The following QTRT2 variants were observed in gnomAD, a reference collection of about 807,000 sequenced individuals.
QTRT2 encodes queuine tRNA-ribosyltransferase domain containing 1.
QTRT2 carries 32 observed loss-of-function variants against 44.8 expected under a neutral mutation model. That is an observed-to-expected ratio of 0.71 (90% CI 0.54 to 0.96). The LOEUF (loss-of-function observed/expected upper bound fraction) is 0.96, where lower values mean the gene tolerates loss of function less well. Ranked by LOEUF, QTRT2 falls within the 40% of genes least tolerant of loss-of-function variation. The pLI is 0.00. For missense variants in QTRT2, 461 were observed against 503.1 expected (o/e 0.92, Z 0.80); for synonymous variants, 182 against 187.4 (o/e 0.97, Z 0.24).
intron 8 of QTRT2, among the ~76,000 whole-genome samples, chr3:114,081,307 C>T (rs890725245): frequency 6.6e-6 from 1 of 152,152 alleles, no homozygotes; most frequent in Non-Finnish European, 1.5e-5. Context: ...TACTTGGCAG[C>T]AGTTCTCCCA....
At chr3:114,074,996 T>C (rs2077070363) in intron 6 of QTRT2, among the ~76,000 whole-genome samples, 1 of 152,244 alleles carries the variant, frequency 6.6e-6, no homozygotes, top group Admixed American at 6.5e-5. Flanking sequence ...TTTTCATTAT[T>C]CTAAACATCT....
intron 2 of QTRT2, among the ~76,000 whole-genome samples, chr3:114,063,206 A>G (rs1454504367): frequency 1.3e-5 from 2 of 152,222 alleles, no homozygotes; most frequent in African/African-American, 2.4e-5. Context: ...TTTGAAGTAC[A>G]TTTCTCATCT....
intron 6 of QTRT2, among the ~76,000 whole-genome samples, chr3:114,074,557 C>T (rs2077064312): frequency 6.6e-6 from 1 of 152,148 alleles, no homozygotes; most frequent in Non-Finnish European, 1.5e-5. Flanking sequence ...ATCGTACTCA[C>T]CCTTAATTTA....
Position 114,072,629 on chromosome 3 carries a change from C to T in QTRT2, c.546+1791C>T, listed in dbSNP as rs145069223. The stretch of plus-strand genomic sequence containing the variant: ...GTATCTTCATCATGCAGCAGAATGC[C>T]TTCCCTGTCTTATTCACTGGTTCCT... On this transcript the variant is annotated intron_variant, in intron 6 of 9. Coordinates refer to ENST00000281273, the MANE Select transcript of QTRT2 (RefSeq NM_024638.4). Among the ~76,000 whole-genome samples the T allele has an allele frequency of 9.5e-4, 145 of 152,298 alleles. 4 individuals are homozygous for T. The East Asian group carries it at 0.016, about 17-fold the overall frequency.
intron 7 of QTRT2, 33 bp downstream of exon 7, chr3:114,076,975 A>G (rs778206225): frequency 3.1e-6 from 5 of 1,600,448 alleles, no homozygotes; most frequent in Non-Finnish European, 4.3e-6. Context: ...GGCTGGCCTC[A>G]AGGGATGCAG....
intron 2 of QTRT2, among the ~76,000 whole-genome samples, chr3:114,062,368 C>CAAAAAA (rs143192501): frequency 2.3e-5 from 2 of 86,174 alleles, no homozygotes; most frequent in Non-Finnish European, 2.3e-5. Context: ...GACCTTGTCT[C>CAAAAAA]AAAAAAAAAA....
intron 8 of QTRT2, among the ~76,000 whole-genome samples, chr3:114,080,700 C>A (rs1237248948): frequency 6.6e-6 from 1 of 152,150 alleles, no homozygotes; most frequent in African/African-American, 2.4e-5. Context: ...TGTCGCCTGC[C>A]CAGTCTTCCC....
At chr3:114,077,288 A>G (rs2077104048) in intron 7 of QTRT2, 1 of 232,172 alleles carries the variant, frequency 4.3e-6, no homozygotes, top group Admixed American at 5.0e-5. Context: ...GTAAAGTCAC[A>G]TGGAATGCTG....
rs1356038039 is a variant in QTRT2 at position 114,086,130 on chromosome 3, A to G, written c.*226A>G. 2 of 510,256 alleles carry G rather than the reference A, an allele frequency of 3.9e-6. No individual in the cohort carries two copies. Among genetic ancestry groups the G allele is most frequent in the African/African-American group, 3.8e-5 (2 of 52,002 alleles). The allele number at this position is 510,256 out of a possible 1,614,324, so 31.6% of individuals were successfully genotyped here. ...CAGAGAGAATTGAACTGTGACCTTT[A>G]AGACTTCTAGACTAATTCTTTTAGT... On this transcript the variant is annotated 3_prime_UTR_variant, in exon 10 of 10. Transcript: ENST00000281273.
intron 9 of QTRT2, among the ~76,000 whole-genome samples, chr3:114,083,314 CTGTTGTTGTTGTTGTTGTTGT>C (rs56306334): frequency 6.7e-6 from 1 of 150,184 alleles, no homozygotes; most frequent in Non-Finnish European, 1.5e-5. Context: ...GTTGCTGCTG[CTGTTGTTGTTGTTGTTGTTGT>C]TGTTGTTGTT....
intron 6 of QTRT2, among the ~76,000 whole-genome samples, chr3:114,074,874 G>A (rs1310467459): frequency 1.3e-5 from 2 of 152,044 alleles, no homozygotes; most frequent in African/African-American, 4.8e-5. Context: ...TGCATATATT[G>A]CTATTATCTA....
rs142052478 is a variant in QTRT2, at chr3:114,069,865, A to G, written c.334-761A>G. 4.8e-4 allele frequency among the ~76,000 whole-genome samples: 73 copies of G among 152,324 alleles called. 1 individual carries two copies. The highest frequency in any genetic ancestry group is 1.4e-3 in the African/African-American group (59 of 41,574). On this transcript the variant is annotated intron_variant, in intron 5 of 9. Transcript: ENST00000281273. ...CTAGGAGATTTAAGTCTTTAATTCT[A>G]TATCTAACTCAGTCTAGTAAACACT...
chr3:114,082,574 T>A (rs1054351892), intron 8 of QTRT2, 103 bp from the exon 9 acceptor site: 1 of 525,914 alleles, frequency 1.9e-6, no homozygotes, highest in Admixed American at 3.1e-5. Flanking sequence ...AGGAGTGAAA[T>A]TACAGAGTCA....
chr3:114,069,047 C>T (rs1307043896), intron 5 of QTRT2, among the ~76,000 whole-genome samples: 3 of 144,262 alleles, frequency 2.1e-5, no homozygotes, highest in Non-Finnish European at 4.5e-5. Context: ...GAGCGAGACT[C>T]TGTCTCAAAA....
chr3:114,066,088 A>C, intron 3 of QTRT2, 140 bp from the exon 4 acceptor site: 1 of 580,224 alleles, frequency 1.7e-6, no homozygotes, highest in Non-Finnish European at 3.0e-6. Context: ...ATTAGTTAGA[A>C]CTCTTGAATA....
At chr3:114,073,064 GTTAATATAAATGAAA>G (rs2077044790) in intron 6 of QTRT2, among the ~76,000 whole-genome samples, 1 of 152,188 alleles carries the variant, frequency 6.6e-6, no homozygotes, top group Non-Finnish European at 1.5e-5. Flanking sequence ...GGCTAATAAA[GTTAATATAAATGAAA>G]TAATTAGAGG....
At chr3:114,077,142 T>C (rs1577539382) in intron 7 of QTRT2, 200 bp downstream of exon 7, 1 of 586,486 alleles carries the variant, frequency 1.7e-6, no homozygotes, top group East Asian at 2.8e-5. Flanking sequence ...GATTTCAGAA[T>C]GTAGAGTAGA....
At chr3:114,072,615 A>G (rs1439107927) in intron 6 of QTRT2, among the ~76,000 whole-genome samples, 1 of 152,202 alleles carries the variant, frequency 6.6e-6, no homozygotes, top group Non-Finnish European at 1.5e-5. Context: ...TATCTTCATC[A>G]TGCAGCAGAA....
At position 114,068,030 on chromosome 3, in the gene QTRT2, C is replaced by G. The variant is rs745670234; in HGVS notation, c.300C>G (p.Val100=). 7 of 1,613,790 alleles carry G rather than the reference C, an allele frequency of 4.3e-6. No homozygotes were observed. In the African/African-American group the frequency reaches 9.3e-5, roughly 22 times the overall value. Residue 100 remains valine, a synonymous_variant, in exon 5 of 10, where the codon GTC becomes GTG. Transcript: ENST00000281273. The part of the protein sequence containing the change: ...SLLYCSLHDP[V]SPCPAGYVTN... ...TGTACTGCTCCCTGCACGATCCAGT[C>G]AGCCCCTGCCCGGCTGGTTATGTAA...
Sources: allele counts gnomAD v4.1 joint callset (sites outside exome capture counted in the v4.1 genomes callset), GRCh38; gene constraint gnomAD v4.1.1; transcripts MANE v1.5; gene names NCBI Gene and HGNC (gene_info 2026-07-23, HGNC 2026-07-21).